The following CTNNA3 variants were observed in gnomAD, a reference collection of about 807,000 sequenced individuals.
CTNNA3 encodes catenin alpha 3, also known as catenin alpha-3.
Under a neutral mutation model 95.7 loss-of-function variants are expected in CTNNA3, and 76 were observed. The observed-to-expected ratio is 0.79, with a 90% CI of 0.66 to 0.96. The LOEUF (loss-of-function observed/expected upper bound fraction) is 0.96, where lower values mean the gene tolerates loss of function less well. CTNNA3 is among the 40% of genes least tolerant of loss of function. CTNNA3 has a pLI of 0.00. For missense variants in CTNNA3, 1,191 were observed against 1,089.8 expected, an observed-to-expected ratio of 1.09 and a Z score of -1.31; for synonymous variants, 431 against 374.4, an observed-to-expected ratio of 1.15 and a Z score of -1.74.
intron 5 of CTNNA3, among the ~76,000 whole-genome samples, chr10:67,397,841 G>A (rs1344865344): frequency 6.6e-6 from 1 of 152,240 alleles, no homozygotes; most frequent in African/African-American, 2.4e-5. Flanking sequence ...CTCAGGCTAT[G>A]GCTTCAGAGG....
chr10:66,992,916 G>A (rs1851119628), intron 7 of CTNNA3, among the ~76,000 whole-genome samples: 1 of 151,952 alleles, frequency 6.6e-6, no homozygotes, highest in South Asian at 2.1e-4. Flanking sequence ...TTGTATCCCG[G>A]TACTATTATT....
chr10:66,581,641 T>A (rs1238626365), intron 10 of CTNNA3, among the ~76,000 whole-genome samples: 2 of 151,680 alleles, frequency 1.3e-5, no homozygotes, highest in Non-Finnish European at 3.0e-5. Flanking sequence ...GTGAAGAAGC[T>A]TTTTAGTTTG....
intron 5 of CTNNA3, among the ~76,000 whole-genome samples, chr10:67,378,128 A>G (rs1046808244): frequency 2.0e-5 from 3 of 152,042 alleles, no homozygotes; most frequent in African/African-American, 7.2e-5. Context: ...CCTATGTTCT[A>G]CTTTTTACTT....
At chr10:65,927,572 T>C (rs758151944) in intron 17 of CTNNA3, among the ~76,000 whole-genome samples, 14 of 152,204 alleles carry the variant, frequency 9.2e-5, no homozygotes, top group Non-Finnish European at 1.5e-4. Flanking sequence ...ATTTTTTGTG[T>C]GATGTTTCAC....
rs74418885 is a variant in CTNNA3, at chr10:67,077,697, T to C, written c.1047+102620A>G. The stretch of plus-strand genomic sequence containing the variant: ...ATTTGTAATCTTATATTTGTATAAC[T>C]ATTGTTTAATGTGTATCCCCTTATG... On this transcript the variant is annotated intron_variant, in intron 7 of 17. Coordinates refer to ENST00000433211, the MANE Select transcript of CTNNA3 (RefSeq NM_013266.4). Among the ~76,000 whole-genome samples, 819 of 152,306 alleles carry C rather than the reference T, an allele frequency of 5.4e-3. 10 individuals are homozygous for C. Among genetic ancestry groups the C allele is most frequent in the African/African-American group, 0.017 (711 of 41,570 alleles).
intron 7 of CTNNA3, among the ~76,000 whole-genome samples, chr10:66,871,838 T>C (rs1005504939): frequency 1.3e-5 from 2 of 152,198 alleles, no homozygotes; most frequent in Non-Finnish European, 2.9e-5. Flanking sequence ...TCTTTGACTA[T>C]GCTACTATCT....
intron 9 of CTNNA3, among the ~76,000 whole-genome samples, chr10:66,745,482 A>T (rs1325015673): frequency 3.3e-5 from 5 of 151,728 alleles, no homozygotes; most frequent in Admixed American, 2.0e-4. Flanking sequence ...CTGACAAAGG[A>T]TGTGCTCCAT....
At chr10:65,998,282 C>T (rs530902574) in intron 15 of CTNNA3, among the ~76,000 whole-genome samples, 2 of 152,268 alleles carry the variant, frequency 1.3e-5, no homozygotes, top group East Asian at 3.9e-4. Context: ...GAGCCAAACA[C>T]CTATATAATT....
chr10:66,658,793 A>G (rs1846155870), intron 9 of CTNNA3, among the ~76,000 whole-genome samples: 1 of 152,134 alleles, frequency 6.6e-6, no homozygotes. Flanking sequence ...TCACGGGTTC[A>G]AGCGATCCTC....
intron 1 of CTNNA3, among the ~76,000 whole-genome samples, chr10:67,722,054 A>G (rs988231279): frequency 1.3e-5 from 2 of 152,128 alleles, no homozygotes; most frequent in Non-Finnish European, 1.5e-5. Context: ...TGCAGACTGG[A>G]GCAGTTCCTA....
intron 12 of CTNNA3, among the ~76,000 whole-genome samples, chr10:66,291,583 C>T (rs966037138): frequency 6.6e-6 from 1 of 151,962 alleles, no homozygotes; most frequent in African/African-American, 2.4e-5. Flanking sequence ...ATGCAGTTCT[C>T]GGTCAGTTAG....
chr10:66,021,852 C>CTTTTTTGTTTTTTTTTTTTTTTTTTTT (rs2079219895), intron 15 of CTNNA3, among the ~76,000 whole-genome samples: 1 of 75,952 alleles, frequency 1.3e-5, no homozygotes, highest in Non-Finnish European at 2.4e-5. Context: ...AGGATCTTGG[C>CTTTTTTGTTTTTTTTTTTTTTTTTTTT]TTTTTTTTTT....
intron 6 of CTNNA3, among the ~76,000 whole-genome samples, chr10:67,185,158 C>G (rs1862774129): frequency 6.6e-6 from 1 of 151,752 alleles, no homozygotes; most frequent in Non-Finnish European, 1.5e-5. Context: ...TAGATGGAGT[C>G]TCACTCTGTT....
intron 12 of CTNNA3, among the ~76,000 whole-genome samples, chr10:66,322,918 T>A (rs2092208367): frequency 6.6e-6 from 1 of 151,894 alleles, no homozygotes; most frequent in Admixed American, 6.6e-5. Flanking sequence ...ACCAATCTGG[T>A]ATAAGCCCTC....
intron 3 of CTNNA3, among the ~76,000 whole-genome samples, chr10:67,601,078 G>A (rs1349705054): frequency 6.6e-6 from 1 of 152,170 alleles, no homozygotes; most frequent in Non-Finnish European, 1.5e-5. Flanking sequence ...TCTTGACGTG[G>A]GTGGAGGTTA....
intron 17 of CTNNA3, among the ~76,000 whole-genome samples, chr10:65,945,142 A>ATG (rs71474003): frequency 0.21 from 31,512 of 148,992 alleles, 3,886 homozygotes; most frequent in Middle Eastern, 0.33. Flanking sequence ...TCTTCTATAA[A>ATG]TGTGTGTGTG....
intron 12 of CTNNA3, among the ~76,000 whole-genome samples, chr10:66,367,071 C>T (rs1470501330): frequency 5.9e-5 from 9 of 152,226 alleles, no homozygotes; most frequent in African/African-American, 2.2e-4. Context: ...GACTTGCACA[C>T]CTACCTAGAG....
intron 12 of CTNNA3, among the ~76,000 whole-genome samples, chr10:66,371,573 G>A (rs907708380): frequency 6.6e-6 from 1 of 152,258 alleles, no homozygotes; most frequent in African/African-American, 2.4e-5. Context: ...TAGTTCCATT[G>A]TCCCAGTGAT....
chr10:66,942,661 ACTCT>A (rs907050898), intron 7 of CTNNA3, among the ~76,000 whole-genome samples: 1 of 141,538 alleles, frequency 7.1e-6, no homozygotes, highest in African/African-American at 2.6e-5. Context: ...TCACTTTCTC[ACTCT>A]CTCTTTCCTT....
Sources: gnomAD v4.1 joint callset for allele counts (sites outside exome capture counted in the v4.1 genomes callset) on GRCh38, gnomAD v4.1.1 for gene constraint, MANE v1.5 for transcripts, NCBI Gene and HGNC (gene_info 2026-07-23, HGNC 2026-07-21) for gene names.